The following PCDHA12 variants were observed in gnomAD, a reference collection of about 807,000 sequenced individuals.
PCDHA12 encodes protocadherin alpha-12.
In PCDHA12, 44 loss-of-function variants were observed where a neutral mutation model predicts 60.0. The ratio of observed to expected loss-of-function variants is 0.73; its 90% CI spans 0.58 to 0.94. The LOEUF is 0.94. Ranked by LOEUF, PCDHA12 falls within the 40% of genes least tolerant of loss-of-function variation. The probability of loss-of-function intolerance (pLI) is 0.00; values close to 1 mark genes in which losing one functional copy is unlikely to be tolerated. For missense variants in PCDHA12, 1,276 were observed against 1,239.7 expected (o/e 1.03, Z -0.44); for synonymous variants, 569 against 553.0 (o/e 1.03, Z -0.40).
At chr5:140,944,292 A>G (rs1330492011) in intron 1 of PCDHA12, among the ~76,000 whole-genome samples, 1 of 152,090 alleles carries the variant, frequency 6.6e-6, no homozygotes, top group Non-Finnish European at 1.5e-5. Context: ...GGCTCAAGCG[A>G]TCCTCCTACC....
chr5:140,877,172 C>T lies in PCDHA12; in HGVS notation c.1700C>T (p.Ala567Val). The change falls in exon 1 of 4, where the codon GCG becomes GTG. Residue 567 changes from alanine (A) to valine (V), a missense_variant. Transcript: ENST00000398631. Reference protein sequence around the residue: ...DENDNAPALLATPAGSAGGAV... With the variant: ...DENDNAPALLVTPAGSAGGAV... ...AACGACAACGCGCCGGCACTGCTGG[C>T]GACTCCGGCTGGCAGCGCAGGAGGC... The T allele has an allele frequency of 1.2e-6, 2 of 1,613,816 alleles. No homozygotes were observed. The highest frequency in any genetic ancestry group is 1.7e-6 in the Non-Finnish European group (2 of 1,179,838).
rs201652283 is a variant in PCDHA12, at chr5:141,009,916, G to A, written c.2805G>A (p.Thr935=). The A allele has an allele frequency of 4.3e-6, 7 of 1,611,506 alleles. No homozygotes were observed. The highest frequency in any genetic ancestry group is 2.2e-5 in the East Asian group (1 of 44,862). ...TQEKKEKGNS[T]TDNSDQ is the part of the protein sequence containing the mutation. The stretch of plus-strand genomic sequence containing the variant: ...AGAAAAAAGAGAAAGGGAACAGCAC[G>A]ACTGACAACAGTGACCAGTGAGGTC... Residue 935 remains threonine (T), a synonymous_variant, in exon 4 of 4, where the codon ACG becomes ACA. Coordinates refer to ENST00000398631, the MANE Select transcript of PCDHA12 (RefSeq NM_018903.4).
chr5:140,899,468 G>A (rs1243330987), intron 1 of PCDHA12, among the ~76,000 whole-genome samples: 131 of 152,196 alleles, frequency 8.6e-4, no homozygotes, highest in Admixed American at 2.5e-3. Context: ...TTTGTCTTTG[G>A]TTCTGTTTAT....
chr5:140,923,183 C>G (rs2081208346), intron 1 of PCDHA12, among the ~76,000 whole-genome samples: 2 of 152,206 alleles, frequency 1.3e-5, no homozygotes, highest in South Asian at 4.1e-4. Context: ...TCAGATGCAT[C>G]TACTGCAGCA....
At chr5:140,975,365 A>G (rs186836387) in intron 1 of PCDHA12, among the ~76,000 whole-genome samples, 5 of 152,370 alleles carry the variant, frequency 3.3e-5, no homozygotes, top group Admixed American at 2.0e-4. Context: ...GCTACATAGC[A>G]TAATGTAATC....
At chr5:140,958,498 G>A (rs2095427243) in intron 1 of PCDHA12, among the ~76,000 whole-genome samples, 1 of 152,020 alleles carries the variant, frequency 6.6e-6, no homozygotes, top group African/African-American at 2.4e-5. Context: ...ACATATCCTA[G>A]GAGGCATGGC....
chr5:141,000,393 C>CTATAAATATATA (rs1563650230), intron 3 of PCDHA12, among the ~76,000 whole-genome samples: 1 of 52,856 alleles, frequency 1.9e-5, no homozygotes, highest in African/African-American at 9.2e-5. Flanking sequence ...CTCTCTCTCT[C>CTATAAATATATA]TCTATATATA....
Position 141,010,353 on chromosome 5 carries a change from G to A in PCDHA12, c.*416G>A. On this transcript the variant is annotated 3_prime_UTR_variant, in exon 4 of 4. Transcript: ENST00000398631. ...AGTTTGTGGCCACTGGGTATGTGTG[G>A]CTACCGCGGGTATGCGAGTGCCAGA... is the stretch of plus-strand genomic sequence containing the variant. 1.3e-6 allele frequency: 2 copies of A among 1,507,486 alleles called. No individual in the cohort carries two copies. Among genetic ancestry groups the A allele is most frequent in the Non-Finnish European group, 1.8e-6 (2 of 1,128,244 alleles). The allele number at this position is 1,507,486 out of a possible 1,614,324, so 93.4% of individuals were successfully genotyped here. A position where few individuals can be genotyped will look rare whatever the true frequency, so the allele number is the denominator to read the frequency against.
At position 140,929,318 on chromosome 5, in the gene PCDHA12, A is replaced by G. The variant is rs78197291; in HGVS notation, c.2368-49631A>G. The G allele has an allele frequency of 3.9e-4, 606 of 1,545,240 alleles. 3 individuals carry two copies. The African/African-American group carries it at 7.7e-3, about 20-fold the overall frequency. ...AGGAAAGGGGATCACGCTAATGTCA[A>G]TGCCATGGTAAGCAAATTTTATGGA... On this transcript the variant is annotated intron_variant, in intron 1 of 3. Coordinates refer to ENST00000398631, the MANE Select transcript of PCDHA12 (RefSeq NM_018903.4).
chr5:140,928,014 G>A (rs1554205371), intron 1 of PCDHA12: 1 of 1,614,150 alleles, frequency 6.2e-7, no homozygotes, highest in Non-Finnish European at 8.5e-7. Flanking sequence ...CTAATGGTAG[G>A]GTCATTTGTG....
chr5:140,967,747 A>G (rs782650276), intron 1 of PCDHA12: 36 of 1,614,042 alleles, frequency 2.2e-5, no homozygotes, highest in Non-Finnish European at 3.0e-5. Context: ...ATTATGAGGA[A>G]GCCTCCTCCT....
chr5:140,882,859 G>A (rs2059337136), intron 1 of PCDHA12: 1 of 1,614,192 alleles, frequency 6.2e-7, no homozygotes, highest in East Asian at 2.2e-5. Context: ...TTGTACTGAG[G>A]AAAACACTGG....
intron 1 of PCDHA12, among the ~76,000 whole-genome samples, chr5:140,890,901 T>C (rs1583031993): frequency 6.6e-6 from 1 of 152,194 alleles, no homozygotes; most frequent in Admixed American, 6.5e-5. Flanking sequence ...TGTCTTTCCA[T>C]GTTAGAATAA....
chr5:140,882,174 CG>C, intron 1 of PCDHA12: 1 of 1,514,752 alleles, frequency 6.6e-7, no homozygotes, highest in South Asian at 1.4e-5. Flanking sequence ...CGAATCCTTC[CG>C]CACTAGGAAG....
intron 1 of PCDHA12, chr5:140,969,335 A>G (rs782267073): frequency 1.2e-6 from 2 of 1,614,012 alleles, no homozygotes; most frequent in Admixed American, 3.3e-5. Context: ...AAATGAGGTG[A>G]GACAGTGGTC....
chr5:140,963,927 T>C (rs1439271741), intron 1 of PCDHA12, among the ~76,000 whole-genome samples: 1 of 152,220 alleles, frequency 6.6e-6, no homozygotes, highest in East Asian at 1.9e-4. Context: ...AAGTAACATG[T>C]CCATAGCCAA....
Position 140,877,065 on chromosome 5 carries a change from G to A in PCDHA12, c.1593G>A (p.Leu531=), listed in dbSNP as rs782807909. The change falls in exon 1 of 4, where the codon CTG becomes CTA. Residue 531 remains leucine, a synonymous_variant. Coordinates refer to ENST00000398631, the MANE Select transcript of PCDHA12 (RefSeq NM_018903.4). ...QPLDHEELEL[L]QFQVSARDAG... The stretch of plus-strand genomic sequence containing the variant: ...TAGACCACGAGGAGCTGGAGCTGCT[G>A]CAGTTCCAGGTGAGCGCGCGCGACG... 4.3e-6 allele frequency: 7 copies of A among 1,613,044 alleles called. No homozygotes were observed. Among genetic ancestry groups the A allele is most frequent in the Non-Finnish European group, 5.9e-6 (7 of 1,179,852 alleles).
chr5:141,000,657 A>T (rs1403117310), intron 3 of PCDHA12, among the ~76,000 whole-genome samples: 1 of 151,102 alleles, frequency 6.6e-6, no homozygotes, highest in Non-Finnish European at 1.5e-5. Flanking sequence ...CGAACTCCTG[A>T]CCTCAGGTGA....
Position 140,927,111 on chromosome 5 carries a change from C to T in PCDHA12, c.2367+49272C>T. Reference sequence around the variant, plus strand: ...ACTTCGGGGTGGATCTACCCAGCGGCAATTTGGTGGTCAGAGAGCCGGCGG... The same window carrying T: ...ACTTCGGGGTGGATCTACCCAGCGGTAATTTGGTGGTCAGAGAGCCGGCGG... On this transcript the variant is annotated intron_variant, in intron 1 of 3. Transcript: ENST00000398631. The T allele has an allele frequency of 3.7e-6, 6 of 1,613,856 alleles. No individual in the cohort carries two copies. In the Middle Eastern group the frequency reaches 8.3e-4, roughly 222 times the overall value.
Sources: gnomAD v4.1 joint callset for allele counts (sites outside exome capture counted in the v4.1 genomes callset) on GRCh38, gnomAD v4.1.1 for gene constraint, MANE v1.5 for transcripts, NCBI Gene and HGNC (gene_info 2026-07-23, HGNC 2026-07-21) for gene names.